The following MAGI2 variants were observed in gnomAD, a reference collection of about 807,000 sequenced individuals.
MAGI2 encodes membrane associated guanylate kinase, WW and PDZ domain containing 2, also known as membrane-associated guanylate kinase, WW and PDZ domain-containing protein 2.
Under a neutral mutation model 133.3 loss-of-function variants are expected in MAGI2, and 35 were observed. The ratio of observed to expected loss-of-function variants is 0.26; its 90% CI spans 0.20 to 0.35. The LOEUF (loss-of-function observed/expected upper bound fraction) is 0.35. MAGI2 is among the 10% of genes least tolerant of loss of function. The pLI, the probability that MAGI2 is intolerant of heterozygous loss-of-function variation, is 1.00. For synonymous variants in MAGI2, 729 were observed against 710.6 expected (o/e 1.03, Z -0.41); for missense variants, 1,636 against 1,863.4 (o/e 0.88, Z 2.25).
At chr7:78,617,610 T>G (rs1279856671) in intron 3 of MAGI2, 1 of 152,096 alleles carries the variant, frequency 6.6e-6, no homozygotes, top group African/African-American at 2.4e-5. Context: ...ACATGATTGC[T>G]TTTAAACATA....
chr7:78,019,768 C>T lies in MAGI2; in HGVS notation c.3915G>A (p.Gln1305=), dbSNP rs117054456. 0.035 allele frequency: 56,457 copies of T among 1,612,638 alleles called. 1,238 individuals are homozygous for T. Among genetic ancestry groups the T allele is most frequent in the Non-Finnish European group, 0.043 (50,424 of 1,179,704 alleles). Residue 1305 remains glutamine, a synonymous_variant, in exon 22 of 22, where the codon CAG becomes CAA. Transcript: ENST00000354212. The part of the protein sequence containing the change: ...RKPKELSACG[Q]KKQRLGEQRE... ...TCTGCTCCCCGAGGCGCTGCTTCTT[C>T]TGGCCGCAGGCTGAAAGCTCCTTTG...
intron 6 of MAGI2, among the ~76,000 whole-genome samples, chr7:78,384,949 A>G (rs1795243971): frequency 6.6e-6 from 1 of 152,180 alleles, no homozygotes; most frequent in Admixed American, 6.5e-5. Context: ...AGCATCTCCC[A>G]TAACACTGGG....
chr7:78,998,692 G>A (rs536369847), intron 2 of MAGI2, among the ~76,000 whole-genome samples: 13 of 152,220 alleles, frequency 8.5e-5, no homozygotes, highest in South Asian at 8.3e-4. Flanking sequence ...TTGGCTAGGC[G>A]CATTTAAATC....
At position 78,472,947 on chromosome 7, in the gene MAGI2, C is replaced by A. The variant is rs1399209456; in HGVS notation, c.1045+16814G>T. ...GGTAGTATAGGGGAAAGGTCACCAA[C>A]TGAGGAACCACAAGGGAAGGATTCT... On this transcript the variant is annotated intron_variant, in intron 6 of 21. Coordinates refer to ENST00000354212, the MANE Select transcript of MAGI2 (RefSeq NM_012301.4). Among the ~76,000 whole-genome samples, 9 of 152,214 alleles carry A rather than the reference C, an allele frequency of 5.9e-5. No individual in the cohort carries two copies. In the South Asian group the frequency reaches 1.9e-3, roughly 32 times the overall value.
intron 1 of MAGI2, among the ~76,000 whole-genome samples, chr7:79,243,773 C>T (rs1436799097): frequency 1.3e-5 from 2 of 152,004 alleles, no homozygotes; most frequent in Non-Finnish European, 2.9e-5. Flanking sequence ...TATTATGATT[C>T]CCTAAATATG....
chr7:78,787,317 A>C (rs1400844432), intron 2 of MAGI2, among the ~76,000 whole-genome samples: 2 of 152,124 alleles, frequency 1.3e-5, no homozygotes, highest in African/African-American at 4.8e-5. Context: ...AGGACTGTGG[A>C]TGGGGATGAG....
rs142442854 is a variant in MAGI2, at chr7:79,287,559, T to C, written c.301+165461A>G. ...GTGGCTGGATAGATTTGAATTTGAATATCAACTTTTTTCTGAGTAGCTGTG... is the reference window on the plus strand; with the variant it reads ...GTGGCTGGATAGATTTGAATTTGAACATCAACTTTTTTCTGAGTAGCTGTG... On this transcript the variant is annotated intron_variant, in intron 1 of 21. Coordinates refer to ENST00000354212, the MANE Select transcript of MAGI2 (RefSeq NM_012301.4). 1.8e-3 allele frequency among the ~76,000 whole-genome samples: 272 copies of C among 152,256 alleles called. 1 individual carries two copies. The highest frequency in any genetic ancestry group is 6.4e-3 in the African/African-American group (267 of 41,566).
intron 10 of MAGI2, among the ~76,000 whole-genome samples, chr7:78,236,619 T>C (rs971278003): frequency 2.6e-5 from 4 of 152,206 alleles, no homozygotes; most frequent in African/African-American, 4.8e-5. Context: ...TTTATACTGA[T>C]AACTGATGAA....
intron 9 of MAGI2, among the ~76,000 whole-genome samples, chr7:78,296,869 G>T (rs532163784): frequency 6.6e-6 from 1 of 152,310 alleles, no homozygotes; most frequent in Non-Finnish European, 1.5e-5. Context: ...CGTGGGAAAG[G>T]CTCACCTGGC....
intron 1 of MAGI2, among the ~76,000 whole-genome samples, chr7:79,058,101 G>C (rs1398132366): frequency 7.0e-6 from 1 of 142,998 alleles, no homozygotes; most frequent in Non-Finnish European, 1.6e-5. Flanking sequence ...GTGGTGGAGA[G>C]GGGGGAAGAA....
intron 10 of MAGI2, among the ~76,000 whole-genome samples, chr7:78,247,888 A>G (rs1441812407): frequency 6.6e-6 from 1 of 152,216 alleles, no homozygotes; most frequent in Non-Finnish European, 1.5e-5. Flanking sequence ...AGATAGGGAC[A>G]GAAAGCTTAT....
intron 6 of MAGI2, among the ~76,000 whole-genome samples, chr7:78,409,316 G>T (rs984842221): frequency 1.3e-5 from 2 of 152,050 alleles, no homozygotes; most frequent in Admixed American, 6.6e-5. Flanking sequence ...ATAGATGCCT[G>T]AAAGAATGAG....
chr7:78,089,134 A>G (rs910697343), intron 20 of MAGI2, among the ~76,000 whole-genome samples: 3 of 152,362 alleles, frequency 2.0e-5, no homozygotes, highest in Non-Finnish European at 2.9e-5. Context: ...CAGTGAAACA[A>G]ACCGATTTCA....
chr7:78,556,301 C>T (rs941930029), intron 3 of MAGI2, among the ~76,000 whole-genome samples: 1 of 152,098 alleles, frequency 6.6e-6, no homozygotes, highest in South Asian at 2.1e-4. Context: ...GATACCTTTG[C>T]CCAGGGCCAT....
chr7:78,840,638 C>G lies in MAGI2; in HGVS notation c.418+166452G>C, dbSNP rs558538246. ...TGAGATGCTGCATCTGAAAATAAACCAGGACAGTTTCTCCTTTTTGTCTTG... is the reference window on the plus strand; with the variant it reads ...TGAGATGCTGCATCTGAAAATAAACGAGGACAGTTTCTCCTTTTTGTCTTG... On this transcript the variant is annotated intron_variant, in intron 2 of 21. Coordinates refer to ENST00000354212, the MANE Select transcript of MAGI2 (RefSeq NM_012301.4). Among the ~76,000 whole-genome samples the G allele has an allele frequency of 5.0e-4, 76 of 151,948 alleles. 1 individual carries two copies. The highest frequency in any genetic ancestry group is 1.7e-3 in the African/African-American group (71 of 41,484).
At chr7:78,484,936 C>G (rs1792824314) in intron 6 of MAGI2, 1 of 103,754 alleles carries the variant, frequency 9.6e-6, no homozygotes, top group African/African-American at 5.0e-5. Flanking sequence ...AAATCTTAAA[C>G]AATTTCTATT....
chr7:78,256,120 T>C lies in MAGI2; in HGVS notation c.1870A>G (p.Thr624Ala), dbSNP rs1234920770. The change falls in exon 10 of 22, where the codon ACA (threonine) becomes GCA (alanine). Residue 624 changes from threonine (T) to alanine (A), a missense_variant. By Grantham distance (58) the Thr-to-Ala change is moderately conservative. Around this residue, in one of 5 missense-constraint regions of MAGI2, gnomAD observed 920 missense variants for 1,093.5 expected, o/e 0.84. Coordinates refer to ENST00000354212, the MANE Select transcript of MAGI2 (RefSeq NM_012301.4). The part of the protein sequence containing the change: ...GFGFTIADSP[T>A]GQRVKQILDI... ...AGTATTTGTTTCACCCGCTGTCCTG[T>C]AGGACTGTCGGCAATAGTGAAGCCG... is the stretch of plus-strand genomic sequence containing the variant. 1 of 1,613,900 alleles carries C rather than the reference T, an allele frequency of 6.2e-7. No homozygotes were observed.
At chr7:78,754,059 A>G (rs560462540) in intron 2 of MAGI2, among the ~76,000 whole-genome samples, 10 of 152,262 alleles carry the variant, frequency 6.6e-5, no homozygotes, top group African/African-American at 2.4e-4. Context: ...AAACTTGCAT[A>G]TTTAGGAAGA....
intron 3 of MAGI2, among the ~76,000 whole-genome samples, chr7:78,557,037 G>C (rs1330843122): frequency 1.5e-5 from 2 of 137,026 alleles, no homozygotes; most frequent in African/African-American, 5.8e-5. Context: ...CTTGCAGTGA[G>C]CTGAGATAGT....
Sources: gnomAD v4.1 joint callset for allele counts (sites outside exome capture counted in the v4.1 genomes callset) on GRCh38, gnomAD v4.1.1 for gene constraint, gnomAD v4.1.1 regional missense constraint, MANE v1.5 for transcripts, NCBI Gene and HGNC (gene_info 2026-07-23, HGNC 2026-07-21) for gene names.